ELOVL6: variants seen among roughly 807,000 people sequenced by gnomAD.
ELOVL6 encodes the protein very long chain fatty acid elongase 6.
ELOVL6 carries 8 observed loss-of-function variants against 31.7 expected under a neutral mutation model. That is an observed-to-expected ratio of 0.25 (90% CI 0.15 to 0.45). The LOEUF (loss-of-function observed/expected upper bound fraction) is 0.45. Ranked by LOEUF, ELOVL6 falls within the 20% of genes least tolerant of loss-of-function variation. ELOVL6 has a pLI of 1.00. For missense variants in ELOVL6, 126 were observed against 326.4 expected, an observed-to-expected ratio of 0.39 and a Z score of 4.73; for synonymous variants, 101 against 117.7, an observed-to-expected ratio of 0.86 and a Z score of 0.92.
chr4:110,197,906 G>A (rs755747), intron 1 of ELOVL6: 12,791 of 320,606 alleles, frequency 0.04, 302 homozygotes, highest in East Asian at 0.074. Flanking sequence ...CGGGGGAGGG[G>A]AGGGGAGCAC....
At chr4:110,070,840 C>T (rs1385607145) in intron 2 of ELOVL6, among the ~76,000 whole-genome samples, 1 of 152,172 alleles carries the variant, frequency 6.6e-6, no homozygotes, top group Non-Finnish European at 1.5e-5. Flanking sequence ...AGCCATGCTT[C>T]CTGTACAGCC....
chr4:110,143,821 T>A (rs1454921347), intron 1 of ELOVL6, among the ~76,000 whole-genome samples: 1 of 152,090 alleles, frequency 6.6e-6, no homozygotes. Flanking sequence ...TTTGGGAGGC[T>A]GAGGCGGGTG....
At chr4:110,166,285 A>C (rs919161823) in intron 1 of ELOVL6, among the ~76,000 whole-genome samples, 3 of 152,080 alleles carry the variant, frequency 2.0e-5, no homozygotes, top group Non-Finnish European at 4.4e-5. Flanking sequence ...ATGAGACATC[A>C]CCTTTCTTTT....
chr4:110,167,091 T>C (rs1758799811), intron 1 of ELOVL6, among the ~76,000 whole-genome samples: 1 of 152,190 alleles, frequency 6.6e-6, no homozygotes, highest in Non-Finnish European at 1.5e-5. Context: ...AATCACCAGC[T>C]GACTTGACCC....
At chr4:110,053,334 A>G (rs75843541) in intron 3 of ELOVL6, among the ~76,000 whole-genome samples, 20,262 of 152,208 alleles carry the variant, frequency 0.13, 1,627 homozygotes, top group East Asian at 0.23. Context: ...AGATGGCCTA[A>G]AACGCTTGCA....
intron 1 of ELOVL6, among the ~76,000 whole-genome samples, chr4:110,124,302 A>G (rs1258449148): frequency 6.6e-6 from 1 of 152,174 alleles, no homozygotes; most frequent in Non-Finnish European, 1.5e-5. Context: ...CATGAAACCA[A>G]CCCAAATGCC....
At chr4:110,197,812 A>T (rs1450347359) in intron 1 of ELOVL6, 2 of 188,704 alleles carry the variant, frequency 1.1e-5, no homozygotes, top group African/African-American at 4.8e-5. Context: ...TAAAGGCAAC[A>T]GGAGACAAGG....
intron 2 of ELOVL6, chr4:110,093,090 A>G (rs1160207047): frequency 8.9e-6 from 4 of 450,318 alleles, no homozygotes; most frequent in Non-Finnish European, 1.8e-5. Flanking sequence ...TGGTAAAACG[A>G]TTTAAAGAAT....
chr4:110,071,184 C>G (rs955039095), intron 2 of ELOVL6, among the ~76,000 whole-genome samples: 1 of 152,152 alleles, frequency 6.6e-6, no homozygotes, highest in Non-Finnish European at 1.5e-5. Context: ...CTTCCATATG[C>G]CCAGTTCCTT....
At chr4:110,098,268 A>G (rs1424216021) in intron 2 of ELOVL6, among the ~76,000 whole-genome samples, 2 of 150,824 alleles carry the variant, frequency 1.3e-5, no homozygotes, top group African/African-American at 4.9e-5. Context: ...TGGGATAGGT[A>G]GAGAATGAGG....
At chr4:110,191,438 T>C (rs1483394290) in intron 1 of ELOVL6, among the ~76,000 whole-genome samples, 2 of 152,156 alleles carry the variant, frequency 1.3e-5, no homozygotes, top group African/African-American at 2.4e-5. Flanking sequence ...AGCGGGTGGA[T>C]GTGAGCTACA....
intron 1 of ELOVL6, among the ~76,000 whole-genome samples, chr4:110,181,536 G>A (rs999847162): frequency 6.6e-6 from 1 of 152,112 alleles, no homozygotes; most frequent in African/African-American, 2.4e-5. Flanking sequence ...GAGAGAAAAA[G>A]ACTGGGATGG....
chr4:110,156,789 T>C (rs1265157456), intron 1 of ELOVL6, among the ~76,000 whole-genome samples: 1 of 152,236 alleles, frequency 6.6e-6, no homozygotes, highest in Non-Finnish European at 1.5e-5. Flanking sequence ...CAGTTAGTTT[T>C]ATACTACCTT....
chr4:110,094,940 C>G (rs1424281691), intron 2 of ELOVL6, among the ~76,000 whole-genome samples: 2 of 152,052 alleles, frequency 1.3e-5, no homozygotes, highest in Non-Finnish European at 2.9e-5. Context: ...CTTGGTGTTC[C>G]AAGGACAGCA....
chr4:110,184,688 A>T (rs1177908874), intron 1 of ELOVL6, among the ~76,000 whole-genome samples: 1 of 152,212 alleles, frequency 6.6e-6, no homozygotes, highest in African/African-American at 2.4e-5. Context: ...AAGGGAACTG[A>T]CAGCCAACTC....
intron 2 of ELOVL6, among the ~76,000 whole-genome samples, chr4:110,084,574 ATATATATATATATATT>A (rs1756175634): frequency 2.1e-5 from 1 of 46,604 alleles, no homozygotes; most frequent in East Asian, 8.7e-4. Flanking sequence ...ATATATATAT[ATATATATATATATATT>A]TTTTTTTTTT....
intron 2 of ELOVL6, among the ~76,000 whole-genome samples, chr4:110,082,250 A>AATAT (rs932420390): frequency 6.6e-6 from 1 of 152,044 alleles, no homozygotes; most frequent in African/African-American, 2.4e-5. Flanking sequence ...CTGGGTATAT[A>AATAT]CCCAAAGGAT....
At chr4:110,121,285 G>A (rs1414903698) in intron 1 of ELOVL6, among the ~76,000 whole-genome samples, 2 of 152,176 alleles carry the variant, frequency 1.3e-5, no homozygotes, top group Non-Finnish European at 2.9e-5. Context: ...TGTGTATCTG[G>A]GCAATAATTC....
intron 1 of ELOVL6, among the ~76,000 whole-genome samples, chr4:110,140,136 T>C (rs1757913583): frequency 6.6e-6 from 1 of 152,212 alleles, no homozygotes; most frequent in South Asian, 2.1e-4. Context: ...GCAGGGCTAG[T>C]ACTTTTCTAT....
Sources: allele counts gnomAD v4.1 joint callset (sites outside exome capture counted in the v4.1 genomes callset), GRCh38; gene constraint gnomAD v4.1.1; transcripts MANE v1.5; gene names NCBI Gene and HGNC (gene_info 2026-07-23, HGNC 2026-07-21).